The following GFRA1 variants were observed in gnomAD, a reference collection of about 807,000 sequenced individuals.
GFRA1 encodes the protein GDNF family receptor alpha-1.
GFRA1 carries 16 observed loss-of-function variants against 51.6 expected under a neutral mutation model. The observed-to-expected ratio is 0.31, with a 90% CI of 0.21 to 0.47. The LOEUF (loss-of-function observed/expected upper bound fraction) is 0.47. Ranked by LOEUF, GFRA1 falls within the 20% of genes least tolerant of loss-of-function variation. GFRA1 has a pLI of 1.00. For missense variants in GFRA1, 530 were observed against 594.3 expected, an observed-to-expected ratio of 0.89 and a Z score of 1.13; for synonymous variants, 270 against 241.3, an observed-to-expected ratio of 1.12 and a Z score of -1.10.
intron 6 of GFRA1, among the ~76,000 whole-genome samples, chr10:116,113,460 A>G (rs1258444617): frequency 6.6e-6 from 1 of 152,204 alleles, no homozygotes; most frequent in Non-Finnish European, 1.5e-5. Flanking sequence ...TATGTTTGCC[A>G]AAGAGCACTT....
intron 5 of GFRA1, among the ~76,000 whole-genome samples, chr10:116,144,040 C>T (rs1396259801): frequency 6.6e-6 from 1 of 152,150 alleles, no homozygotes; most frequent in Non-Finnish European, 1.5e-5. Context: ...CCCTGGGGAG[C>T]TTGCATCTGA....
intron 4 of GFRA1, among the ~76,000 whole-genome samples, chr10:116,212,272 C>T (rs1965249499): frequency 6.6e-6 from 1 of 152,066 alleles, no homozygotes; most frequent in Non-Finnish European, 1.5e-5. Flanking sequence ...GTAATCCCAG[C>T]ACTTTGAGAG....
chr10:116,156,238 A>G (rs1430305477), intron 5 of GFRA1, among the ~76,000 whole-genome samples: 1 of 152,184 alleles, frequency 6.6e-6, no homozygotes, highest in East Asian at 1.9e-4. Context: ...ATCTATCACC[A>G]CTACATCAAT....
intron 5 of GFRA1, among the ~76,000 whole-genome samples, chr10:116,192,812 A>C (rs1963392390): frequency 6.6e-6 from 1 of 152,214 alleles, no homozygotes; most frequent in Non-Finnish European, 1.5e-5. Flanking sequence ...AGGACAGAAC[A>C]GGAATAAGAG....
chr10:116,112,994 ACAG>A (rs1231448770), intron 6 of GFRA1, among the ~76,000 whole-genome samples: 2 of 152,198 alleles, frequency 1.3e-5, no homozygotes, highest in Non-Finnish European at 1.5e-5. Context: ...TCCATCTAGC[ACAG>A]CAGTTCTCAA....
rs530187079 is a variant in GFRA1, at chr10:116,082,947, C to T, written c.1197+6794G>A. Among the ~76,000 whole-genome samples, 23 of 152,298 alleles carry T rather than the reference C, an allele frequency of 1.5e-4. No homozygotes were observed. In the South Asian group the frequency reaches 4.8e-3, roughly 32 times the overall value. ...CCATGCCAATAGTGGAGGCCACTTC[C>T]CCCAGTCCAAGGGTCAGCCTGTTGT... On this transcript the variant is annotated intron_variant, in intron 9 of 10. Coordinates refer to ENST00000355422, the MANE Select transcript of GFRA1 (RefSeq NM_005264.8).
At position 116,098,141 on chromosome 10, in the gene GFRA1, C is replaced by T. The variant is rs548378599; in HGVS notation, c.771-1377G>A. 2.0e-5 allele frequency among the ~76,000 whole-genome samples: 3 copies of T among 152,280 alleles called. No homozygotes were observed. In the East Asian group the frequency reaches 5.8e-4, roughly 29 times the overall value. Reference sequence around the variant, plus strand: ...ACCTGACTCCATTGCAGTGAATGCCCGGAGCAGATGCTGGAGATCTGCTTT... The same window carrying T: ...ACCTGACTCCATTGCAGTGAATGCCTGGAGCAGATGCTGGAGATCTGCTTT... On this transcript the variant is annotated intron_variant, in intron 6 of 10. Transcript: ENST00000355422.
At chr10:116,064,715 ACCATGAACCTGG>A (rs1396559246) in intron 10 of GFRA1, among the ~76,000 whole-genome samples, 171 bp from the exon 11 acceptor site, 26 of 152,152 alleles carry the variant, frequency 1.7e-4, no homozygotes, top group Non-Finnish European at 5.9e-5. Context: ...ATGGGAAGAA[ACCATGAACCTGG>A]GTTAGAACCA....
chr10:116,111,124 T>C (rs1589797215), intron 6 of GFRA1, among the ~76,000 whole-genome samples: 1 of 152,186 alleles, frequency 6.6e-6, no homozygotes, highest in East Asian at 1.9e-4. Context: ...AGCTTCCTTA[T>C]TCGAATAGCC....
chr10:116,122,589 T>C (rs1274192908), intron 6 of GFRA1, among the ~76,000 whole-genome samples: 1 of 152,200 alleles, frequency 6.6e-6, no homozygotes, highest in Non-Finnish European at 1.5e-5. Context: ...TTTGATCTAA[T>C]GAATTCTCAC....
chr10:116,268,386 A>C (rs939031333), intron 4 of GFRA1, among the ~76,000 whole-genome samples: 4 of 152,220 alleles, frequency 2.6e-5, no homozygotes, highest in African/African-American at 2.4e-5. Context: ...AAATAATAAG[A>C]CTTAATCAAT....
intron 5 of GFRA1, among the ~76,000 whole-genome samples, chr10:116,211,095 G>A (rs1051210593): frequency 1.3e-5 from 2 of 152,160 alleles, no homozygotes; most frequent in Admixed American, 6.5e-5. Context: ...AGATGACACT[G>A]CACACCCTCA....
At chr10:116,094,928 A>G (rs1432577935) in intron 7 of GFRA1, among the ~76,000 whole-genome samples, 2 of 152,212 alleles carry the variant, frequency 1.3e-5, no homozygotes, top group African/African-American at 4.8e-5. Context: ...GGCCCCTGGC[A>G]TACATGGAAG....
At chr10:116,138,144 C>T (rs1293887270) in intron 5 of GFRA1, among the ~76,000 whole-genome samples, 1 of 152,092 alleles carries the variant, frequency 6.6e-6, no homozygotes, top group Non-Finnish European at 1.5e-5. Context: ...CATGGAGGTG[C>T]TTCCTGTCCC....
At chr10:116,075,718 A>G (rs1246771271) in intron 9 of GFRA1, among the ~76,000 whole-genome samples, 2 of 152,134 alleles carry the variant, frequency 1.3e-5, no homozygotes, top group African/African-American at 2.4e-5. Flanking sequence ...AGGCATCAGT[A>G]CAATTGATGC....
intron 6 of GFRA1, among the ~76,000 whole-genome samples, chr10:116,107,538 T>C (rs1957051021): frequency 6.6e-6 from 1 of 151,884 alleles, no homozygotes; most frequent in Non-Finnish European, 1.5e-5. Flanking sequence ...CATCCTCAAG[T>C]TTTTATAGGC....
In GFRA1 at chr10:116,062,649, T is replaced by C. The variant is rs1954874650; in HGVS notation, c.*1749A>G. 1 of 152,262 alleles carries C rather than the reference T, an allele frequency of 6.6e-6. No homozygotes were observed. Among genetic ancestry groups the C allele is most frequent in the Admixed American group, 6.5e-5 (1 of 15,284 alleles). 9.4% of individuals were successfully genotyped at this position (152,262 alleles called of 1,614,324 possible). A position where few individuals can be genotyped will look rare whatever the true frequency, so the allele number is the denominator to read the frequency against. ...TTTCCTCCTCCATCTCTTCTACCAA[T>C]GTGGGAAGAAAGCCAATGCTTCCCA... is the stretch of plus-strand genomic sequence containing the variant. On this transcript the variant is annotated 3_prime_UTR_variant, in exon 11 of 11. Transcript: ENST00000355422.
chr10:116,181,586 G>A (rs1040953399), intron 5 of GFRA1, among the ~76,000 whole-genome samples: 3 of 151,956 alleles, frequency 2.0e-5, no homozygotes, highest in African/African-American at 7.2e-5. Flanking sequence ...ACCTTCTGAA[G>A]CAGAGGCAGT....
chr10:116,256,496 C>G (rs1367894809), intron 4 of GFRA1, among the ~76,000 whole-genome samples: 1 of 152,148 alleles, frequency 6.6e-6, no homozygotes, highest in Non-Finnish European at 1.5e-5. Context: ...AATGTCATAA[C>G]ATAGCATGGG....
Sources: allele counts gnomAD v4.1 joint callset (sites outside exome capture counted in the v4.1 genomes callset), GRCh38; gene constraint gnomAD v4.1.1; transcripts MANE v1.5; gene names NCBI Gene and HGNC (gene_info 2026-07-23, HGNC 2026-07-21).